Variants in BET1 observed in about 807,000 individuals in gnomAD.
BET1 encodes BET1 homolog.
A neutral mutation model predicts 13.9 loss-of-function variants in BET1; 9 were observed. That is an observed-to-expected ratio of 0.65 (90% CI 0.39 to 1.13). The LOEUF is 1.13. Among genes scored for constraint, BET1 ranks in the 50% most tolerant of loss-of-function variants. The pLI is 0.01. For synonymous variants in BET1, 39 were observed against 47.3 expected (o/e 0.82, Z 0.72); for missense variants, 127 against 133.6 (o/e 0.95, Z 0.24).
At chr7:93,993,027 A>G (rs1795670851), downstream of BET1, 53 of 983,666 alleles carry the variant, frequency 5.4e-5, no homozygotes, top group Non-Finnish European at 6.4e-5. Context: ...GGATGAACAA[A>G]AAGAATTGAA....
chr7:93,977,247 G>A (rs1177781415), intron 4 of BET1, among the ~76,000 whole-genome samples: 1 of 152,076 alleles, frequency 6.6e-6, no homozygotes, highest in Non-Finnish European at 1.5e-5. Flanking sequence ...GATTACTTGA[G>A]GCCAGGAGTT....
At chr7:93,984,213 T>C (rs923081488) in intron 4 of BET1, among the ~76,000 whole-genome samples, 6 of 152,128 alleles carry the variant, frequency 3.9e-5, no homozygotes, top group African/African-American at 1.4e-4. Flanking sequence ...GCATTTTCTG[T>C]GTCTCTGTGC....
At position 93,965,947 on chromosome 7, in the gene BET1, C is replaced by T. The variant is rs577213935; in HGVS notation, c.*138-260G>A. Among the ~76,000 whole-genome samples, 9 of 152,088 alleles carry T rather than the reference C, an allele frequency of 5.9e-5. No homozygotes were observed. In the South Asian group the frequency reaches 1.7e-3, roughly 28 times the overall value. ...GACCATGTGTACTCTTAAGTCTGTA[C>T]TTGGAGTAGACTGCTCCCACCACTC... On this transcript the variant is annotated intron_variant and NMD_transcript_variant, in intron 6 of 6. Transcript: ENST00000357520.
At chr7:93,992,045 AG>A, downstream of BET1, 3 of 985,386 alleles carry the variant, frequency 3.0e-6, no homozygotes, top group Non-Finnish European at 3.6e-6. Flanking sequence ...AGATGGAAAA[AG>A]AGGGTGCTGG....
intron 4 of BET1, among the ~76,000 whole-genome samples, chr7:93,986,338 T>C (rs1200763574): frequency 6.6e-6 from 1 of 152,206 alleles, no homozygotes. Flanking sequence ...AGTTTCTAAG[T>C]TGCTAATATT....
intron 2 of BET1, among the ~76,000 whole-genome samples, chr7:93,997,248 G>C (rs149748983): frequency 6.6e-6 from 1 of 152,228 alleles, no homozygotes; most frequent in African/African-American, 2.4e-5. Flanking sequence ...AAGCACATGG[G>C]ATAATACTGA....
intron 6 of BET1, among the ~76,000 whole-genome samples, chr7:93,966,509 T>A (rs1387035772): frequency 2.6e-5 from 4 of 151,938 alleles, no homozygotes; most frequent in Non-Finnish European, 4.4e-5. Context: ...GGTCATGCCA[T>A]TTCCTTTTCT....
chr7:93,969,100 G>A (rs1448214797), intron 6 of BET1, among the ~76,000 whole-genome samples: 1 of 151,878 alleles, frequency 6.6e-6, no homozygotes, highest in African/African-American at 2.4e-5. Context: ...GCAATAGGCA[G>A]ATTAAGATGT....
chr7:93,993,927 A>G lies in BET1; in HGVS notation c.*303T>C. On this transcript the variant is annotated 3_prime_UTR_variant, in exon 4 of 4. Transcript: ENST00000222547. ...GACATAAACCTGCATTTATGATTAC[A>G]ACAAAATATTATAATGCTATTTAAT... The G allele has an allele frequency of 6.5e-7, 1 of 1,535,202 alleles. No homozygotes were observed.
downstream of BET1, among the ~76,000 whole-genome samples, chr7:93,990,897 G>T (rs1795620572): frequency 6.6e-6 from 1 of 151,958 alleles, no homozygotes; most frequent in African/African-American, 2.4e-5. Context: ...GAAGATTAAG[G>T]AAAGATTACT....
intron 2 of BET1, among the ~76,000 whole-genome samples, chr7:93,997,603 G>A (rs927150822): frequency 2.0e-5 from 3 of 152,142 alleles, no homozygotes; most frequent in African/African-American, 7.2e-5. Context: ...AAGGTCTCCA[G>A]ACTGAATGTA....
At position 93,993,791 on chromosome 7, in the gene BET1, A is replaced by G. The variant is rs1562806233; in HGVS notation, c.*439T>C. On this transcript the variant is annotated 3_prime_UTR_variant, in exon 4 of 4. Coordinates refer to ENST00000222547, the MANE Select transcript of BET1 (RefSeq NM_005868.6). ...GGGAGTATATCATTACAGTTGATGC[A>G]GTTAGGAAAATTCAATTACCATTTT... 9.9e-6 allele frequency: 15 copies of G among 1,519,104 alleles called. No homozygotes were observed. The highest frequency in any genetic ancestry group is 9.9e-5 in the East Asian group (4 of 40,554). 94.1% of individuals were successfully genotyped at this position (1,519,104 alleles called of 1,614,324 possible). A position where few individuals can be genotyped will look rare whatever the true frequency, so the allele number is the denominator to read the frequency against.
intron 3 of BET1, chr7:93,995,922 G>T (rs1390084650): frequency 1.1e-5 from 4 of 354,448 alleles, no homozygotes; most frequent in Non-Finnish European, 2.0e-5. Flanking sequence ...TGGATATCAA[G>T]TGCCTTTTGA....
At chr7:93,985,557 G>T (rs1795510501) in intron 4 of BET1, among the ~76,000 whole-genome samples, 1 of 152,092 alleles carries the variant, frequency 6.6e-6, no homozygotes, top group Admixed American at 6.6e-5. Context: ...AAATAGTGGA[G>T]AGTTCATATT....
chr7:93,983,853 A>G (rs1795474383), intron 4 of BET1, among the ~76,000 whole-genome samples: 1 of 152,204 alleles, frequency 6.6e-6, no homozygotes, highest in South Asian at 2.1e-4. Context: ...GCTGGCACTT[A>G]GGAGAATGTG....
chr7:93,985,008 C>T (rs751940597), intron 4 of BET1, among the ~76,000 whole-genome samples: 27 of 152,084 alleles, frequency 1.8e-4, no homozygotes, highest in Non-Finnish European at 2.4e-4. Flanking sequence ...AATATATATT[C>T]TCACTCTATA....
chr7:94,003,054 C>G (rs1795945377), intron 1 of BET1, among the ~76,000 whole-genome samples: 1 of 152,132 alleles, frequency 6.6e-6, no homozygotes, highest in African/African-American at 2.4e-5. Context: ...GGATCACAAA[C>G]AGGGCAACAA....
chr7:93,997,127 C>T (rs1795788809), intron 2 of BET1, among the ~76,000 whole-genome samples: 2 of 152,100 alleles, frequency 1.3e-5, no homozygotes, highest in South Asian at 2.1e-4. Context: ...CTATCTAATA[C>T]TTTATAGGAC....
intron 4 of BET1, among the ~76,000 whole-genome samples, chr7:93,984,755 A>G (rs1795493755): frequency 2.0e-5 from 3 of 152,328 alleles, no homozygotes; most frequent in African/African-American, 7.2e-5. Context: ...GTGATTTAAA[A>G]AAAAGTCTTC....
Sources: allele counts gnomAD v4.1 joint callset (sites outside exome capture counted in the v4.1 genomes callset), GRCh38; gene constraint gnomAD v4.1.1; transcripts MANE v1.5; gene names NCBI Gene and HGNC (gene_info 2026-07-23, HGNC 2026-07-21).